LRRC4C: variants seen among roughly 807,000 people sequenced by gnomAD.
The protein encoded by LRRC4C is leucine-rich repeat-containing protein 4C.
A neutral mutation model predicts 33.6 loss-of-function variants in LRRC4C; 5 were observed. That is an observed-to-expected ratio of 0.15 (90% confidence interval 0.08 to 0.31). LRRC4C has a LOEUF of 0.31. Among genes scored for constraint, LRRC4C ranks in the 10% least tolerant of loss-of-function variants. LRRC4C has a pLI of 1.00. For missense variants in LRRC4C, 560 were observed against 796.7 expected (o/e 0.70, Z 3.58); for synonymous variants, 329 against 302.0 (o/e 1.09, Z -0.93).
At chr11:41,303,925 G>T (rs1374388322) in intron 1 of LRRC4C, among the ~76,000 whole-genome samples, 1 of 89,998 alleles carries the variant, frequency 1.1e-5, no homozygotes, top group Admixed American at 1.4e-4. Context: ...GAGCCTCTCC[G>T]CCCGGCAGCC....
intron 2 of LRRC4C, among the ~76,000 whole-genome samples, chr11:40,744,062 A>G (rs2136928137): frequency 6.6e-6 from 1 of 152,190 alleles, no homozygotes; most frequent in East Asian, 1.9e-4. Context: ...ATTCTTATGT[A>G]TGTACATTTC....
intron 5 of LRRC4C, among the ~76,000 whole-genome samples, chr11:40,201,693 C>T (rs1862764764): frequency 6.6e-6 from 1 of 152,114 alleles, no homozygotes; most frequent in Non-Finnish European, 1.5e-5. Flanking sequence ...ACAATACCTG[C>T]TTTAAGGCTT....
At chr11:40,552,403 A>G (rs1380895231) in intron 3 of LRRC4C, among the ~76,000 whole-genome samples, 1 of 152,206 alleles carries the variant, frequency 6.6e-6, no homozygotes, top group African/African-American at 2.4e-5. Flanking sequence ...AACATCATGC[A>G]GACTTCAAAG....
intron 3 of LRRC4C, among the ~76,000 whole-genome samples, chr11:40,431,857 G>A (rs1332813457): frequency 6.6e-6 from 1 of 152,154 alleles, no homozygotes; most frequent in Admixed American, 6.5e-5. Context: ...TCCTATTCCA[G>A]GGACTGAGCC....
intron 1 of LRRC4C, among the ~76,000 whole-genome samples, chr11:41,156,236 A>G (rs1944228003): frequency 6.6e-6 from 1 of 152,116 alleles, no homozygotes; most frequent in Admixed American, 6.6e-5. Context: ...ACTGAAAGAC[A>G]ACACAGTTAC....
intron 3 of LRRC4C, among the ~76,000 whole-genome samples, chr11:40,471,389 C>T (rs1952927414): frequency 6.6e-6 from 1 of 152,028 alleles, no homozygotes. Flanking sequence ...AAAGGAAGCA[C>T]TAAATATGTA....
intron 2 of LRRC4C, among the ~76,000 whole-genome samples, chr11:40,691,655 T>C (rs1945226613): frequency 6.6e-6 from 1 of 152,070 alleles, no homozygotes; most frequent in Non-Finnish European, 1.5e-5. Flanking sequence ...TGACTGGAAT[T>C]GGTAAAATTA....
At chr11:40,641,141 C>A (rs1942099004) in intron 3 of LRRC4C, among the ~76,000 whole-genome samples, 1 of 151,868 alleles carries the variant, frequency 6.6e-6, no homozygotes, top group East Asian at 1.9e-4. Context: ...ATATAGCACT[C>A]TGAATATTTC....
intron 5 of LRRC4C, among the ~76,000 whole-genome samples, chr11:40,151,906 T>G (rs1445572343): frequency 6.6e-6 from 1 of 152,184 alleles, no homozygotes; most frequent in Non-Finnish European, 1.5e-5. Context: ...TTTTTCAGAA[T>G]AATTTCAGCT....
intron 2 of LRRC4C, among the ~76,000 whole-genome samples, chr11:40,811,372 C>T (rs796288055): frequency 5.9e-5 from 9 of 152,242 alleles, no homozygotes; most frequent in African/African-American, 2.2e-4. Flanking sequence ...TGTGCTTGTA[C>T]AAGAACATAA....
At chr11:40,932,187 G>A (rs1957660177) in intron 2 of LRRC4C, among the ~76,000 whole-genome samples, 1 of 152,094 alleles carries the variant, frequency 6.6e-6, no homozygotes, top group Admixed American at 6.6e-5. Flanking sequence ...AATTTAAGCA[G>A]TGCTTGAAGC....
At chr11:40,477,187 C>G (rs1233617293) in intron 3 of LRRC4C, among the ~76,000 whole-genome samples, 1 of 152,082 alleles carries the variant, frequency 6.6e-6, no homozygotes, top group African/African-American at 2.4e-5. Context: ...TTGAAGGCCC[C>G]TTTTAGATTT....
At chr11:41,045,779 G>A (rs1042111659) in intron 1 of LRRC4C, among the ~76,000 whole-genome samples, 6 of 151,936 alleles carry the variant, frequency 3.9e-5, no homozygotes, top group African/African-American at 1.5e-4. Context: ...AGTGAGAGGT[G>A]AGACTTTGAT....
chr11:41,324,810 AT>A (rs1171588197), intron 1 of LRRC4C, among the ~76,000 whole-genome samples: 5 of 152,182 alleles, frequency 3.3e-5, no homozygotes, highest in African/African-American at 1.2e-4. Flanking sequence ...ACACCTATGA[AT>A]GCATCTTTTC....
chr11:40,914,610 T>C (rs994697021), intron 2 of LRRC4C, among the ~76,000 whole-genome samples: 1 of 152,110 alleles, frequency 6.6e-6, no homozygotes. Context: ...GGGCAAAAAC[T>C]GGAAGCATTC....
intron 2 of LRRC4C, among the ~76,000 whole-genome samples, chr11:40,654,406 T>G (rs1591381167): frequency 6.6e-6 from 1 of 152,202 alleles, no homozygotes; most frequent in Non-Finnish European, 1.5e-5. Flanking sequence ...TGCATCAGTG[T>G]GCCCTGAATG....
intron 2 of LRRC4C, among the ~76,000 whole-genome samples, chr11:40,915,650 T>C (rs1956923855): frequency 6.6e-6 from 1 of 152,128 alleles, no homozygotes; most frequent in African/African-American, 2.4e-5. Context: ...GGACTTCATG[T>C]CTAAAACACC....
chr11:41,441,614 TAA>T (rs5791441), intron 1 of LRRC4C, among the ~76,000 whole-genome samples: 2 of 139,932 alleles, frequency 1.4e-5, no homozygotes, highest in Non-Finnish European at 3.1e-5. Context: ...TTTTTCCAGT[TAA>T]AAAAAAAAAA....
At chr11:40,556,822 T>A (rs1261456612) in intron 3 of LRRC4C, among the ~76,000 whole-genome samples, 1 of 152,178 alleles carries the variant, frequency 6.6e-6, no homozygotes, top group Non-Finnish European at 1.5e-5. Context: ...ATAATACTAA[T>A]GTGTGCAAGG....
Sources: gnomAD v4.1 joint callset for allele counts (sites outside exome capture counted in the v4.1 genomes callset) on GRCh38, gnomAD v4.1.1 for gene constraint, MANE v1.5 for transcripts, NCBI Gene and HGNC (gene_info 2026-07-23, HGNC 2026-07-21) for gene names.